LANCL2: variants seen among roughly 807,000 people sequenced by gnomAD.
LANCL2 encodes the protein LanC like glutathione S-transferase 2, also known as lanC-like protein 2.
LANCL2 carries 33 observed loss-of-function variants against 56.9 expected under a neutral mutation model. The observed-to-expected ratio is 0.58, with a 90% CI of 0.44 to 0.78. LANCL2 has a LOEUF of 0.78. LANCL2 is among the 30% of genes least tolerant of loss of function. The pLI is 0.00. For missense variants in LANCL2, 562 were observed against 580.2 expected (o/e 0.97, Z 0.32); for synonymous variants, 233 against 228.2 (o/e 1.02, Z -0.19).
At chr7:55,399,893 A>T in intron 3 of LANCL2, 64 bp from the exon 4 acceptor site, 3 of 1,291,582 alleles carry the variant, frequency 2.3e-6, no homozygotes, top group Non-Finnish European at 3.3e-6. Context: ...CAACAGGGTT[A>T]GTGTTTCAGG....
intron 6 of LANCL2, among the ~76,000 whole-genome samples, chr7:55,414,695 T>C (rs767597825): frequency 2.6e-5 from 4 of 151,854 alleles, no homozygotes; most frequent in Non-Finnish European, 4.4e-5. Context: ...AATGTAAAGG[T>C]TTGGCCAGAC....
At chr7:55,384,543 C>T (rs1426383048) in intron 1 of LANCL2, among the ~76,000 whole-genome samples, 1 of 151,900 alleles carries the variant, frequency 6.6e-6, no homozygotes, top group African/African-American at 2.4e-5. Flanking sequence ...CAGAGCAAGA[C>T]TCTGTCTCTA....
chr7:55,410,416 C>T (rs1790457862), intron 5 of LANCL2, among the ~76,000 whole-genome samples: 1 of 152,072 alleles, frequency 6.6e-6, no homozygotes, highest in Non-Finnish European at 1.5e-5. Flanking sequence ...ATTGATATTC[C>T]TTAAATTAGC....
At position 55,398,644 on chromosome 7, in the gene LANCL2, C is replaced by T. The variant is rs535289033; in HGVS notation, c.530+14C>T. ...ATGTGTCACAAAGTGAGTTTTAGAA[C>T]TGGAAACATTTTCTCCCAATTCCCA... On this transcript the variant is annotated intron_variant, in intron 3 of 8. Coordinates refer to ENST00000254770, the MANE Select transcript of LANCL2 (RefSeq NM_018697.4). The T allele has an allele frequency of 5.0e-5, 80 of 1,595,604 alleles. 2 individuals are homozygous for T. In the South Asian group the frequency reaches 7.3e-4, roughly 15 times the overall value.
At chr7:55,401,018 ATATAAC>A (rs1790315625) in intron 4 of LANCL2, among the ~76,000 whole-genome samples, 150 bp from the exon 5 acceptor site, 2 of 152,176 alleles carry the variant, frequency 1.3e-5, no homozygotes, top group South Asian at 2.1e-4. Context: ...TATAAAATAA[ATATAAC>A]TATATTAGCT....
At chr7:55,415,617 C>CTTTTTTTTTTTTTTTTTTTTTTTTT (rs1790526930) in intron 6 of LANCL2, among the ~76,000 whole-genome samples, 1 of 60,840 alleles carries the variant, frequency 1.6e-5, no homozygotes, top group East Asian at 5.7e-4. Flanking sequence ...CATTGTTTTT[C>CTTTTTTTTTTTTTTTTTTTTTTTTT]TTTCTTTTTT....
intron 1 of LANCL2, among the ~76,000 whole-genome samples, chr7:55,368,286 C>G (rs918192373): frequency 2.6e-5 from 4 of 152,018 alleles, no homozygotes; most frequent in African/African-American, 4.8e-5. Flanking sequence ...AGTTATATAC[C>G]TGATTTATGT....
chr7:55,426,233 A>G (rs929742101), intron 7 of LANCL2, among the ~76,000 whole-genome samples: 6 of 152,194 alleles, frequency 3.9e-5, no homozygotes, highest in African/African-American at 1.4e-4. Context: ...CTGGGTCACT[A>G]TTCTACACTA....
At chr7:55,408,779 T>G (rs965851509) in intron 5 of LANCL2, among the ~76,000 whole-genome samples, 1 of 151,864 alleles carries the variant, frequency 6.6e-6, no homozygotes, top group Non-Finnish European at 1.5e-5. Flanking sequence ...CCCGTTATTG[T>G]GAAAGCTTAA....
chr7:55,405,080 G>A (rs561576569), intron 5 of LANCL2, among the ~76,000 whole-genome samples: 3 of 152,224 alleles, frequency 2.0e-5, no homozygotes, highest in Admixed American at 1.3e-4. Flanking sequence ...ATTGGCTCAC[G>A]CAACCATGGA....
At chr7:55,384,867 A>G (rs1790107520) in intron 1 of LANCL2, among the ~76,000 whole-genome samples, 5 of 152,148 alleles carry the variant, frequency 3.3e-5, no homozygotes, top group Admixed American at 2.0e-4. Context: ...AAACACTACC[A>G]TCATCACCAC....
At chr7:55,379,640 AT>A (rs1195037093) in intron 1 of LANCL2, 2 of 152,644 alleles carry the variant, frequency 1.3e-5, no homozygotes, top group African/African-American at 4.8e-5. Flanking sequence ...CATCTCTTTG[AT>A]TACAGTAGAA....
At chr7:55,406,912 G>T (rs761213903) in intron 5 of LANCL2, among the ~76,000 whole-genome samples, 3 of 152,136 alleles carry the variant, frequency 2.0e-5, no homozygotes, top group Non-Finnish European at 4.4e-5. Context: ...GACCTGCTGG[G>T]ATGAAAGATG....
intron 1 of LANCL2, among the ~76,000 whole-genome samples, chr7:55,385,581 G>GTA (rs1790116199): frequency 6.6e-6 from 1 of 152,156 alleles, no homozygotes; most frequent in African/African-American, 2.4e-5. Context: ...AGGGGAGGGG[G>GTA]TATACGAATA....
chr7:55,366,419 C>G (rs1053535889), intron 1 of LANCL2, among the ~76,000 whole-genome samples, 190 bp downstream of exon 1: 29 of 152,256 alleles, frequency 1.9e-4, no homozygotes, highest in African/African-American at 6.5e-4. Context: ...GCTGCATGAA[C>G]CACGTTCCAG....
intron 4 of LANCL2, 29 bp downstream of exon 4, chr7:55,400,133 GTC>G (rs770485491): frequency 3.3e-6 from 5 of 1,524,978 alleles, no homozygotes; most frequent in Non-Finnish European, 4.5e-6. Context: ...AACTATGGGC[GTC>G]TCTACCATTC....
At chr7:55,383,667 C>T (rs147915494) in intron 1 of LANCL2, among the ~76,000 whole-genome samples, 42 of 152,294 alleles carry the variant, frequency 2.8e-4, no homozygotes, top group African/African-American at 4.8e-4. Context: ...CTTATCCTAT[C>T]GCCTAAAATA....
chr7:55,413,277 A>C lies in LANCL2; in HGVS notation c.1008+1188A>C, dbSNP rs1197462874. On this transcript the variant is annotated intron_variant, in intron 6 of 8. Coordinates refer to ENST00000254770, the MANE Select transcript of LANCL2 (RefSeq NM_018697.4). ...TGTCCTAGAGGGACATCTGTGATAC[A>C]AATGTCCAACAATAACGTGTGAGCA... Among the ~76,000 whole-genome samples, 3 of 152,250 alleles carry C rather than the reference A, an allele frequency of 2.0e-5. No individual in the cohort carries two copies. The East Asian group carries it at 5.8e-4, about 29-fold the overall frequency.
Position 55,412,660 on chromosome 7 carries a change from G to A in LANCL2, c.1008+571G>A, listed in dbSNP as rs148685097. Among the ~76,000 whole-genome samples, 841 of 152,274 alleles carry A rather than the reference G, an allele frequency of 5.5e-3. 6 individuals carry two copies. Among genetic ancestry groups the A allele is most frequent in the African/African-American group, 0.018 (739 of 41,560 alleles). Reference sequence around the variant, plus strand: ...AATATTAAGAGCGCTATTGATTTCTGTCCTGGACTAAGATTTATCATTTAA... The same window carrying A: ...AATATTAAGAGCGCTATTGATTTCTATCCTGGACTAAGATTTATCATTTAA... On this transcript the variant is annotated intron_variant, in intron 6 of 8. Coordinates refer to ENST00000254770, the MANE Select transcript of LANCL2 (RefSeq NM_018697.4).
Sources: gnomAD v4.1 joint callset for allele counts (sites outside exome capture counted in the v4.1 genomes callset) on GRCh38, gnomAD v4.1.1 for gene constraint, MANE v1.5 for transcripts, NCBI Gene and HGNC (gene_info 2026-07-23, HGNC 2026-07-21) for gene names.